Variants in ROBO2 observed in about 807,000 individuals in gnomAD.
ROBO2 encodes the protein roundabout homolog 2.
In ROBO2, 53 loss-of-function variants were observed where a neutral mutation model predicts 160.8. The ratio of observed to expected loss-of-function variants is 0.33; its 90% CI spans 0.26 to 0.41. ROBO2 has a LOEUF of 0.41. ROBO2 is among the 10% of genes least tolerant of loss of function. ROBO2 has a pLI of 1.00. For missense variants in ROBO2, 1,577 were observed against 1,722.4 expected (o/e 0.92, Z 1.49); for synonymous variants, 664 against 611.7 (o/e 1.09, Z -1.26).
chr3:77,054,786 GTTTTA>G (rs1248161331), intron 1 of ROBO2, among the ~76,000 whole-genome samples: 1 of 152,004 alleles, frequency 6.6e-6, no homozygotes, highest in Non-Finnish European at 1.5e-5. Flanking sequence ...CTTCTGATTG[GTTTTA>G]TTTTGTCAAT....
At chr3:76,438,062 C>T (rs1043801456) in intron 2 of ROBO2, among the ~76,000 whole-genome samples, 2 of 152,092 alleles carry the variant, frequency 1.3e-5, no homozygotes, top group Non-Finnish European at 2.9e-5. Flanking sequence ...AATTTTATGT[C>T]TCCTAAGAAC....
At chr3:76,347,055 TA>T (rs113551052) in intron 2 of ROBO2, among the ~76,000 whole-genome samples, 1,767 of 149,206 alleles carry the variant, frequency 0.012, 36 homozygotes, top group African/African-American at 0.041. Context: ...TCAGACAAAA[TA>T]AAAAAAAAAT....
intron 2 of ROBO2, among the ~76,000 whole-genome samples, chr3:77,326,419 A>G (rs1242653213): frequency 1.3e-5 from 2 of 152,216 alleles, no homozygotes; most frequent in South Asian, 2.1e-4. Context: ...AAACATAGTG[A>G]TCTTCAAATA....
At chr3:76,503,033 T>A (rs1223317804) in intron 2 of ROBO2, among the ~76,000 whole-genome samples, 1 of 137,944 alleles carries the variant, frequency 7.2e-6, no homozygotes, top group Non-Finnish European at 1.6e-5. Context: ...CGCGCACGCA[T>A]GTGTGTGTGC....
intron 2 of ROBO2, among the ~76,000 whole-genome samples, chr3:76,096,073 C>T (rs1238107028): frequency 6.6e-6 from 1 of 151,956 alleles, no homozygotes; most frequent in Non-Finnish European, 1.5e-5. Flanking sequence ...AAAAAGAACC[C>T]ATATTGACAG....
Position 76,642,392 on chromosome 3 carries a change from G to A in ROBO2, c.110-455622G>A, listed in dbSNP as rs573730246. ...TTTTGAGACGGAGACTCGCTCTGTC[G>A]CCCAGGCTGGAGTGTAATGGCGTGA... On this transcript the variant is annotated intron_variant, in intron 2 of 26. Transcript: ENST00000487694. Among the ~76,000 whole-genome samples the A allele has an allele frequency of 5.1e-4, 60 of 118,460 alleles. 1 individual carries two copies. Among genetic ancestry groups the A allele is most frequent in the African/African-American group, 1.8e-3 (55 of 29,762 alleles). The allele number at this position is 118,460 out of a possible 152,430, so 77.7% of individuals were successfully genotyped here.
chr3:76,907,198 G>T (rs941095153), intron 2 of ROBO2, among the ~76,000 whole-genome samples: 16 of 152,116 alleles, frequency 1.1e-4, no homozygotes, highest in African/African-American at 3.9e-4. Flanking sequence ...TGAGTCCCCA[G>T]GAAAGTCATT....
At chr3:76,931,538 T>C (rs1559722039) in intron 2 of ROBO2, among the ~76,000 whole-genome samples, 1 of 131,384 alleles carries the variant, frequency 7.6e-6, no homozygotes, top group Non-Finnish European at 1.7e-5. Flanking sequence ...TATGACTTTG[T>C]GTGCTTTATA....
At chr3:76,018,738 G>A (rs1401683685) in intron 2 of ROBO2, among the ~76,000 whole-genome samples, 3 of 151,810 alleles carry the variant, frequency 2.0e-5, no homozygotes, top group Non-Finnish European at 2.9e-5. Flanking sequence ...TCTCTCTGAA[G>A]TTCCATGCGT....
At chr3:77,338,210 T>C (rs2066686888) in intron 2 of ROBO2, among the ~76,000 whole-genome samples, 1 of 152,144 alleles carries the variant, frequency 6.6e-6, no homozygotes, top group African/African-American at 2.4e-5. Flanking sequence ...AAAAAATTTG[T>C]TTGGAGATAG....
intron 2 of ROBO2, among the ~76,000 whole-genome samples, chr3:77,275,689 A>G (rs2153362761): frequency 6.6e-6 from 1 of 152,270 alleles, no homozygotes; most frequent in Admixed American, 6.5e-5. Context: ...CAGTATCCAA[A>G]TTGTGTTTTT....
chr3:76,435,060 T>C (rs573784432), intron 2 of ROBO2: 15 of 1,125,142 alleles, frequency 1.3e-5, no homozygotes, highest in Non-Finnish European at 1.9e-5. Context: ...GGCTTACATA[T>C]ACAAGTGTGT....
chr3:76,228,996 G>A (rs111402109), intron 2 of ROBO2, among the ~76,000 whole-genome samples: 2,772 of 152,178 alleles, frequency 0.018, 102 homozygotes, highest in East Asian at 0.14. Context: ...TCCAGCTTGG[G>A]CAAAAGACCG....
Position 77,298,882 on chromosome 3 carries a change from G to C in ROBO2, c.389-178532G>C, listed in dbSNP as rs146125576. 2.7e-3 allele frequency among the ~76,000 whole-genome samples: 415 copies of C among 152,234 alleles called. 4 individuals are homozygous for C. The highest frequency in any genetic ancestry group is 9.5e-3 in the African/African-American group (394 of 41,536). On this transcript the variant is annotated intron_variant, in intron 2 of 25. Transcript: ENST00000461745. ...ATGGAAGATAAGATATACGTGTACA[G>C]AATTATAATAAAACACTGACTGACA...
At chr3:76,116,700 G>C (rs1241262459) in intron 2 of ROBO2, among the ~76,000 whole-genome samples, 1 of 152,126 alleles carries the variant, frequency 6.6e-6, no homozygotes, top group Non-Finnish European at 1.5e-5. Flanking sequence ...AAATTTATTT[G>C]ATGCTACAGA....
At chr3:76,769,454 G>A (rs2061761520) in intron 2 of ROBO2, among the ~76,000 whole-genome samples, 1 of 151,232 alleles carries the variant, frequency 6.6e-6, no homozygotes, top group African/African-American at 2.4e-5. Context: ...ACAACTCAGG[G>A]CTCTATCAGT....
Position 75,923,821 on chromosome 3 carries a change from C to T in ROBO2, c.-13-13660C>T, listed in dbSNP as rs568091739. ...TCAGGAAGGAGTTTGCACATGTGTG[C>T]ACTGGTAGGAGGTGTAATGTGCAGA... On this transcript the variant is annotated intron_variant, in intron 1 of 26. Coordinates refer to the ROBO2 transcript ENST00000487694. 5.3e-5 allele frequency among the ~76,000 whole-genome samples: 8 copies of T among 152,290 alleles called. No individual in the cohort carries two copies. In the East Asian group the frequency reaches 1.5e-3, roughly 29 times the overall value.
intron 2 of ROBO2, among the ~76,000 whole-genome samples, chr3:76,326,180 CTAAG>C (rs2072999870): frequency 6.6e-6 from 1 of 152,080 alleles, no homozygotes; most frequent in African/African-American, 2.4e-5. Context: ...AGGTTAGACA[CTAAG>C]TAAGCTTAAG....
intron 2 of ROBO2, among the ~76,000 whole-genome samples, chr3:76,812,033 G>C (rs2065236955): frequency 6.6e-6 from 1 of 151,764 alleles, no homozygotes; most frequent in Non-Finnish European, 1.5e-5. Context: ...ACCATGCCCA[G>C]CTAATTTTTG....
Sources: gnomAD v4.1 joint callset for allele counts (sites outside exome capture counted in the v4.1 genomes callset) on GRCh38, gnomAD v4.1.1 for gene constraint, MANE v1.5 for transcripts, NCBI Gene and HGNC (gene_info 2026-07-23, HGNC 2026-07-21) for gene names.